The following IQCM variants were observed in gnomAD, a reference collection of about 807,000 sequenced individuals.
IQCM encodes the protein IQ domain-containing protein M.
A neutral mutation model predicts 57.6 loss-of-function variants in IQCM; 45 were observed. That is an observed-to-expected ratio of 0.78 (90% CI 0.62 to 1.00). The LOEUF is 1.00. Among genes scored for constraint, IQCM ranks in the 50% least tolerant of loss-of-function variants. IQCM has a pLI of 0.00. For synonymous variants in IQCM, 148 were observed against 158.9 expected (o/e 0.93, Z 0.51); for missense variants, 468 against 511.6 (o/e 0.91, Z 0.82).
chr4:149,639,847 C>T (rs1196374206), intron 7 of IQCM, among the ~76,000 whole-genome samples: 3 of 152,054 alleles, frequency 2.0e-5, no homozygotes, highest in South Asian at 2.1e-4. Context: ...GAGGATCCCT[C>T]GAGACAGCGA....
chr4:149,462,198 A>C (rs537252127), intron 12 of IQCM, among the ~76,000 whole-genome samples: 1 of 152,322 alleles, frequency 6.6e-6, no homozygotes, highest in African/African-American at 2.4e-5. Context: ...GAGATTCTGC[A>C]CTTCTAACAT....
At chr4:149,666,595 A>AAAGGGGGCTGAAGCCAGGGAGCC (rs1336749143) in intron 7 of IQCM, among the ~76,000 whole-genome samples, 2 of 152,024 alleles carry the variant, frequency 1.3e-5, no homozygotes, top group Non-Finnish European at 2.9e-5. Flanking sequence ...ACTCCCCTGG[A>AAAGGGGGCTGAAGCCAGGGAGCC]AAGGGGGCTG....
intron 13 of IQCM, among the ~76,000 whole-genome samples, chr4:149,403,938 G>C (rs1244636415): frequency 6.6e-6 from 1 of 151,960 alleles, no homozygotes; most frequent in Non-Finnish European, 1.5e-5. Context: ...GAAGTAAATG[G>C]TGCTGATGAA....
chr4:149,355,035 T>G (rs1042917735), intron 13 of IQCM, among the ~76,000 whole-genome samples: 2 of 152,094 alleles, frequency 1.3e-5, no homozygotes, highest in Non-Finnish European at 2.9e-5. Flanking sequence ...AAAACAGACA[T>G]GACTCTGATA....
chr4:149,510,661 T>C (rs1744309858), intron 12 of IQCM, among the ~76,000 whole-genome samples: 1 of 152,202 alleles, frequency 6.6e-6, no homozygotes, highest in East Asian at 1.9e-4. Flanking sequence ...TGGTTTATGA[T>C]AGTCTCTCAG....
At chr4:149,796,304 G>A (rs1266087057) in intron 2 of IQCM, among the ~76,000 whole-genome samples, 2 of 152,178 alleles carry the variant, frequency 1.3e-5, no homozygotes, top group Non-Finnish European at 2.9e-5. Flanking sequence ...GGTGGTAGTG[G>A]TCACAGAGTG....
chr4:149,733,438 A>G lies in IQCM; in HGVS notation c.191T>C (p.Ile64Thr). The G allele has an allele frequency of 8.1e-7, 1 of 1,231,852 alleles. No individual in the cohort carries two copies. 76.3% of individuals were successfully genotyped at this position (1,231,852 alleles called of 1,614,324 possible). A position where few individuals can be genotyped will look rare whatever the true frequency, so the allele number is the denominator to read the frequency against. The stretch of plus-strand genomic sequence containing the variant: ...TACCTTTTTGTCAATCTCCAAAGGT[A>G]TGTATTTGCCAGATTTCGGTTTTTG... ...KHQKPKSGKYIPLEIDKKVTR... is the reference protein window; with the variant it reads ...KHQKPKSGKYTPLEIDKKVTR... The change falls in exon 5 of 14, where the codon ATA (isoleucine) becomes ACA (threonine). Residue 64 changes from isoleucine to threonine, a missense_variant. Transcript: ENST00000636793.
chr4:149,488,807 G>T (rs564262005), intron 12 of IQCM, among the ~76,000 whole-genome samples: 1 of 152,060 alleles, frequency 6.6e-6, no homozygotes, highest in Non-Finnish European at 1.5e-5. Flanking sequence ...CCCAAGAAGA[G>T]AAAAGGTAAT....
chr4:149,721,743 A>G (rs908538653), intron 5 of IQCM, among the ~76,000 whole-genome samples: 3 of 152,114 alleles, frequency 2.0e-5, no homozygotes, highest in Non-Finnish European at 2.9e-5. Flanking sequence ...GAATTGTGCT[A>G]TGATAAACAC....
intron 7 of IQCM, among the ~76,000 whole-genome samples, chr4:149,681,409 G>A (rs1250715487): frequency 6.6e-6 from 1 of 151,122 alleles, no homozygotes; most frequent in Non-Finnish European, 1.5e-5. Flanking sequence ...TAGTTTTGGT[G>A]AATATTGATT....
intron 13 of IQCM, chr4:149,430,082 A>C: frequency 9.6e-7 from 1 of 1,046,774 alleles, no homozygotes; most frequent in Non-Finnish European, 1.2e-6. Flanking sequence ...ATTAAACCCA[A>C]AACTTTCAAC....
intron 5 of IQCM, among the ~76,000 whole-genome samples, chr4:149,707,964 C>G (rs1456182475): frequency 2.6e-5 from 4 of 152,012 alleles, no homozygotes; most frequent in African/African-American, 7.2e-5. Flanking sequence ...ACCAGGAAGA[C>G]AATTTGTGTG....
intron 4 of IQCM, among the ~76,000 whole-genome samples, chr4:149,734,878 T>C (rs115178578): frequency 0.013 from 1,908 of 152,266 alleles, 16 homozygotes; most frequent in South Asian, 0.018. Flanking sequence ...ACAATCATTA[T>C]TGCTAGAGAT....
chr4:149,649,812 A>T (rs913727252), intron 7 of IQCM, among the ~76,000 whole-genome samples: 2 of 152,194 alleles, frequency 1.3e-5, no homozygotes, highest in African/African-American at 4.8e-5. Flanking sequence ...ATCTCTTGAT[A>T]TAATAATCAC....
At chr4:149,383,895 G>A (rs1731241130) in intron 13 of IQCM, among the ~76,000 whole-genome samples, 1 of 152,116 alleles carries the variant, frequency 6.6e-6, no homozygotes, top group South Asian at 2.1e-4. Context: ...GGAGGTTGCA[G>A]TGAGCCAAGA....
chr4:149,587,729 T>C (rs1752769990), intron 9 of IQCM, among the ~76,000 whole-genome samples: 1 of 151,862 alleles, frequency 6.6e-6, no homozygotes, highest in Admixed American at 6.6e-5. Flanking sequence ...GTCTACTAAC[T>C]GATTACTAAA....
intron 2 of IQCM, among the ~76,000 whole-genome samples, chr4:149,765,147 T>G (rs1193333040): frequency 6.6e-6 from 1 of 152,092 alleles, no homozygotes; most frequent in Admixed American, 6.6e-5. Context: ...TGTGACACAT[T>G]TAGCTACACT....
chr4:149,705,860 G>C lies in IQCM; in HGVS notation c.386-19392C>G, dbSNP rs560054146. Among the ~76,000 whole-genome samples, 22 of 151,790 alleles carry C rather than the reference G, an allele frequency of 1.4e-4. No individual in the cohort carries two copies. In the East Asian group the frequency reaches 4.1e-3, roughly 28 times the overall value. ...TTTAAAGTCAATGCCAAAGATTGTA[G>C]CATTTAGTTATTCTCCTATATTAGT... On this transcript the variant is annotated intron_variant, in intron 5 of 13. Coordinates refer to ENST00000636793, the MANE Select transcript of IQCM (RefSeq NM_001363507.2).
At chr4:149,369,907 A>T (rs1170020350) in intron 13 of IQCM, among the ~76,000 whole-genome samples, 1 of 152,148 alleles carries the variant, frequency 6.6e-6, no homozygotes, top group African/African-American at 2.4e-5. Context: ...TTAATTTATT[A>T]ATTTAGGAGA....
Sources: gnomAD v4.1 joint callset for allele counts (sites outside exome capture counted in the v4.1 genomes callset) on GRCh38, gnomAD v4.1.1 for gene constraint, MANE v1.5 for transcripts, NCBI Gene and HGNC (gene_info 2026-07-23, HGNC 2026-07-21) for gene names.